The following PHF2 variants were observed in gnomAD, a reference collection of about 807,000 sequenced individuals.
The protein encoded by PHF2 is lysine-specific demethylase PHF2.
In PHF2, 27 loss-of-function variants were observed where a neutral mutation model predicts 120.5. The observed-to-expected ratio is 0.22, with a 90% CI of 0.17 to 0.31. The LOEUF is 0.31. Among genes scored for constraint, PHF2 ranks in the 10% least tolerant of loss-of-function variants. The pLI, the probability that PHF2 is intolerant of heterozygous loss-of-function variation, is 1.00. For synonymous variants in PHF2, 568 were observed against 592.5 expected (o/e 0.96, Z 0.60); for missense variants, 1,024 against 1,434.8 (o/e 0.71, Z 4.63).
intron 6 of PHF2, among the ~76,000 whole-genome samples, chr9:93,653,617 A>G (rs11793637): frequency 0.5 from 75,345 of 151,976 alleles, 19,041 homozygotes; most frequent in African/African-American, 0.52. Context: ...ATTGGGTGAG[A>G]CCACCAGGTG....
intron 1 of PHF2, among the ~76,000 whole-genome samples, chr9:93,607,253 G>T (rs1351574049): frequency 2.0e-5 from 3 of 151,938 alleles, no homozygotes. Flanking sequence ...ACTTGCTGGG[G>T]TTTTTGTTGT....
chr9:93,635,883 G>A (rs768003457), intron 2 of PHF2, among the ~76,000 whole-genome samples: 25 of 152,100 alleles, frequency 1.6e-4, no homozygotes, highest in Admixed American at 3.3e-4. Context: ...GAGGGCTGGA[G>A]TGTGGCCAGC....
At chr9:93,649,376 T>TTTTTC (rs776011430) in intron 5 of PHF2, among the ~76,000 whole-genome samples, 164 bp downstream of exon 5, 1 of 91,394 alleles carries the variant, frequency 1.1e-5, no homozygotes, top group Non-Finnish European at 2.2e-5. Context: ...ATTTTTTCCT[T>TTTTTC]TTTTTTTTTT....
At chr9:93,615,890 G>A (rs1416268301) in intron 1 of PHF2, among the ~76,000 whole-genome samples, 5 of 152,250 alleles carry the variant, frequency 3.3e-5, no homozygotes, top group Admixed American at 3.3e-4. Context: ...AAGCCAGGAA[G>A]AGATGAGCTG....
intron 1 of PHF2, among the ~76,000 whole-genome samples, chr9:93,608,825 AT>A (rs1004922859): frequency 4.0e-5 from 6 of 151,744 alleles, no homozygotes; most frequent in African/African-American, 1.5e-4. Context: ...AATTTTATTT[AT>A]TTGTTTTTTA....
intron 1 of PHF2, among the ~76,000 whole-genome samples, chr9:93,610,585 A>G (rs1825617584): frequency 6.6e-6 from 1 of 152,026 alleles, no homozygotes; most frequent in African/African-American, 2.4e-5. Context: ...TCTAGTTCTC[A>G]TGTTTGCTTT....
chr9:93,578,482 CTGCCTT>C (rs1482184539), intron 1 of PHF2, among the ~76,000 whole-genome samples: 1 of 152,214 alleles, frequency 6.6e-6, no homozygotes, highest in Non-Finnish European at 1.5e-5. Flanking sequence ...GGTGGGGCCT[CTGCCTT>C]CTCCCCCATC....
At chr9:93,634,460 A>G (rs1826057961) in intron 2 of PHF2, among the ~76,000 whole-genome samples, 1 of 152,108 alleles carries the variant, frequency 6.6e-6, no homozygotes, top group East Asian at 1.9e-4. Flanking sequence ...CCAAGCATCT[A>G]TCGCTTGGGT....
At chr9:93,583,908 A>C (rs1587659937) in intron 1 of PHF2, among the ~76,000 whole-genome samples, 1 of 146,574 alleles carries the variant, frequency 6.8e-6, no homozygotes, top group East Asian at 2.0e-4. Flanking sequence ...AGCTCACCAC[A>C]ACCTCTGCCT....
chr9:93,650,538 C>G lies in PHF2; in HGVS notation c.602+1326C>G, dbSNP rs1327661626. ...ACAGATACACCTTGGTTGGCCCGGT[C>G]CCCCTGAGTTCCTGGCACTAGTTGT... is the stretch of plus-strand genomic sequence containing the variant. On this transcript the variant is annotated intron_variant, in intron 5 of 21. Transcript: ENST00000359246. Among the ~76,000 whole-genome samples the G allele has an allele frequency of 2.0e-5, 3 of 152,330 alleles. No homozygotes were observed. In the South Asian group the frequency reaches 6.2e-4, roughly 32 times the overall value.
At chr9:93,655,181 T>TGTCAC (rs906259460) in intron 7 of PHF2, among the ~76,000 whole-genome samples, 1 of 152,188 alleles carries the variant, frequency 6.6e-6, no homozygotes, top group African/African-American at 2.4e-5. Flanking sequence ...GTAATACTGT[T>TGTCAC]GTCACACCTT....
At chr9:93,577,544 G>C (rs1862850252) in intron 1 of PHF2, among the ~76,000 whole-genome samples, 1 of 152,172 alleles carries the variant, frequency 6.6e-6, no homozygotes, top group Non-Finnish European at 1.5e-5. Flanking sequence ...AGGTCCGCGG[G>C]CAGGAGTGCG....
chr9:93,668,847 T>A (rs1826730233), intron 17 of PHF2, among the ~76,000 whole-genome samples: 1 of 152,342 alleles, frequency 6.6e-6, no homozygotes, highest in South Asian at 2.1e-4. Flanking sequence ...CTCAGCCCGC[T>A]GCAGGCAGTT....
chr9:93,652,312 GGA>G, intron 5 of PHF2, among the ~76,000 whole-genome samples: 1 of 51,104 alleles, frequency 2.0e-5, no homozygotes, highest in East Asian at 5.0e-4. Flanking sequence ...TTTTTTTTTT[GGA>G]GATGGAGTCT....
At position 93,636,433 on chromosome 9, in the gene PHF2, C is replaced by G; in HGVS notation, c.207C>G (p.His69Gln). 1.2e-6 allele frequency: 2 copies of G among 1,609,168 alleles called. No homozygotes were observed. The highest frequency in any genetic ancestry group is 1.7e-6 in the Non-Finnish European group (2 of 1,177,994). Residue 69 changes from histidine (H) to glutamine (Q), a missense_variant, in exon 3 of 22, where the codon CAC becomes CAG. This residue lies in a region of PHF2 where 347 missense variants were observed against 577.4 expected (regional missense o/e 0.60). Coordinates refer to ENST00000359246, the MANE Select transcript of PHF2 (RefSeq NM_005392.4). ...KSTLKKKRTW[H>Q]KHGPGQAPDV... ...CAGTAAAGAAGAAGCGGACCTGGCA[C>G]AAACACGGCCCGGGGCAAGCGCCTG...
chr9:93,649,025 G>C (rs1826310286), intron 4 of PHF2, 46 bp from the exon 5 acceptor site: 2 of 1,548,508 alleles, frequency 1.3e-6, no homozygotes, highest in East Asian at 2.4e-5. Flanking sequence ...CAGGGAGGCT[G>C]TGCCGCCTTC....
chr9:93,580,133 G>A (rs890850528), intron 1 of PHF2, among the ~76,000 whole-genome samples: 3 of 152,146 alleles, frequency 2.0e-5, no homozygotes, highest in Non-Finnish European at 2.9e-5. Flanking sequence ...CCAAGTTCTC[G>A]CAAGATTCCT....
At chr9:93,657,574 G>T (rs1051742406) in intron 9 of PHF2, among the ~76,000 whole-genome samples, 1 of 152,272 alleles carries the variant, frequency 6.6e-6, no homozygotes, top group Admixed American at 6.5e-5. Flanking sequence ...TCTCTGAGTG[G>T]ACGACAGTTC....
chr9:93,665,849 A>T lies in PHF2; in HGVS notation c.2101A>T (p.Lys701Ter). The T allele has an allele frequency of 6.2e-7, 1 of 1,613,446 alleles. No homozygotes were observed. The highest frequency in any genetic ancestry group is 8.5e-7 in the Non-Finnish European group (1 of 1,179,986). Residue 701 changes from lysine (K) to a stop codon, truncating the protein, a stop_gained, in exon 15 of 22, where the codon AAA (lysine) becomes TAA (stop). Coordinates refer to ENST00000359246, the MANE Select transcript of PHF2 (RefSeq NM_005392.4). LOFTEE classifies it high-confidence loss of function. Reference sequence around the variant, plus strand: ...CATCAGGAGGAAGAAAAACGCCCCGAAAAGGGACTTGTCCTGTGAGTTGGG... The same window carrying T: ...CATCAGGAGGAAGAAAAACGCCCCGTAAAGGGACTTGTCCTGTGAGTTGGG... ...FPIRRKKNAP[K>*]RDLSFLLDKK... is the part of the protein sequence containing the mutation.
Sources: gnomAD v4.1 joint callset for allele counts (sites outside exome capture counted in the v4.1 genomes callset) on GRCh38, gnomAD v4.1.1 for gene constraint, gnomAD v4.1.1 regional missense constraint, MANE v1.5 for transcripts, NCBI Gene and HGNC (gene_info 2026-07-23, HGNC 2026-07-21) for gene names.